The following SLIT3 variants were observed in gnomAD, a reference collection of about 807,000 sequenced individuals.
SLIT3 encodes the protein slit guidance ligand 3, also known as slit homolog 3 protein.
Under a neutral mutation model 184.0 loss-of-function variants are expected in SLIT3, and 68 were observed. The ratio of observed to expected loss-of-function variants is 0.37; its 90% CI spans 0.30 to 0.45. The LOEUF (loss-of-function observed/expected upper bound fraction) is 0.45. Among genes scored for constraint, SLIT3 ranks in the 20% least tolerant of loss-of-function variants. The pLI is 1.00. For synonymous variants in SLIT3, 831 were observed against 828.6 expected (o/e 1.00, Z -0.05); for missense variants, 1,707 against 2,026.0 (o/e 0.84, Z 3.02).
At chr5:168,769,388 C>T (rs1267738377) in intron 14 of SLIT3, among the ~76,000 whole-genome samples, 1 of 152,192 alleles carries the variant, frequency 6.6e-6, no homozygotes. Context: ...GACATGAGAA[C>T]CAGTATCAAC....
At chr5:169,275,295 C>A (rs1027839695) in intron 1 of SLIT3, among the ~76,000 whole-genome samples, 1 of 152,164 alleles carries the variant, frequency 6.6e-6, no homozygotes, top group African/African-American at 2.4e-5. Context: ...GTTAGTTATA[C>A]GACTGTCAAG....
At chr5:169,226,891 A>T (rs1337272346) in intron 3 of SLIT3, among the ~76,000 whole-genome samples, 2 of 152,170 alleles carry the variant, frequency 1.3e-5, no homozygotes, top group East Asian at 3.9e-4. Context: ...GTATTTTAAC[A>T]TCTGCACCAA....
intron 4 of SLIT3, among the ~76,000 whole-genome samples, chr5:169,016,154 T>C (rs906259674): frequency 3.3e-4 from 51 of 152,270 alleles, no homozygotes; most frequent in African/African-American, 1.2e-3. Context: ...TAGCTATTTT[T>C]CCCACGTGCT....
intron 9 of SLIT3, among the ~76,000 whole-genome samples, chr5:168,796,683 A>C (rs1756575740): frequency 6.6e-6 from 1 of 152,160 alleles, no homozygotes; most frequent in African/African-American, 2.4e-5. Context: ...GGCTGGGATG[A>C]ACCCATTCAT....
At chr5:169,254,484 CTT>C (rs34928753) in intron 1 of SLIT3, among the ~76,000 whole-genome samples, 3 of 146,950 alleles carry the variant, frequency 2.0e-5, no homozygotes, top group Admixed American at 6.8e-5. Context: ...TTCTTTCTTT[CTT>C]TTTTTTTTTT....
chr5:169,125,799 C>T (rs973465969), intron 4 of SLIT3, among the ~76,000 whole-genome samples: 2 of 152,188 alleles, frequency 1.3e-5, no homozygotes, highest in African/African-American at 2.4e-5. Flanking sequence ...GAACGCATTC[C>T]TTCCATACCT....
chr5:169,270,206 C>T (rs1384446276), intron 1 of SLIT3, among the ~76,000 whole-genome samples: 1 of 152,174 alleles, frequency 6.6e-6, no homozygotes, highest in Non-Finnish European at 1.5e-5. Flanking sequence ...AAAGAGTATA[C>T]AGTAATTCAT....
intron 4 of SLIT3, among the ~76,000 whole-genome samples, chr5:168,959,816 G>A (rs753265163): frequency 2.6e-5 from 4 of 152,120 alleles, no homozygotes; most frequent in Middle Eastern, 3.2e-3. Flanking sequence ...GTGGCATTTC[G>A]TGCCATCCCA....
At position 169,094,880 on chromosome 5, in the gene SLIT3, G is replaced by A. The variant is rs367885778; in HGVS notation, c.413+98599C>T. Reference sequence around the variant, plus strand: ...CACAACAGAAGAGCTGAGTGGCTGTGACAGAGACCACATGTCCTGCAAAAC... The same window carrying A: ...CACAACAGAAGAGCTGAGTGGCTGTAACAGAGACCACATGTCCTGCAAAAC... On this transcript the variant is annotated intron_variant, in intron 4 of 35. Coordinates refer to ENST00000519560, the MANE Select transcript of SLIT3 (RefSeq NM_003062.4). 6.3e-4 allele frequency among the ~76,000 whole-genome samples: 96 copies of A among 152,318 alleles called. 1 individual carries two copies. The highest frequency in any genetic ancestry group is 5.0e-3 in the South Asian group (24 of 4,820).
chr5:168,752,197 G>T (rs897851842), intron 18 of SLIT3, among the ~76,000 whole-genome samples: 1 of 152,076 alleles, frequency 6.6e-6, no homozygotes. Flanking sequence ...CTTATGTCAT[G>T]CCCTCCCTCA....
intron 4 of SLIT3, among the ~76,000 whole-genome samples, chr5:169,071,983 T>G (rs1758563468): frequency 6.6e-6 from 1 of 152,018 alleles, no homozygotes; most frequent in Non-Finnish European, 1.5e-5. Context: ...TGGATGTAAG[T>G]TGGCTTGAGT....
intron 4 of SLIT3, among the ~76,000 whole-genome samples, chr5:169,001,621 A>G (rs1755705888): frequency 6.6e-6 from 1 of 152,276 alleles, no homozygotes; most frequent in Admixed American, 6.5e-5. Flanking sequence ...AACCTCATAA[A>G]CTGTGAAAAA....
intron 3 of SLIT3, among the ~76,000 whole-genome samples, chr5:169,217,007 G>C (rs1023001666): frequency 1.3e-5 from 2 of 151,948 alleles, no homozygotes; most frequent in Non-Finnish European, 2.9e-5. Flanking sequence ...CAACACACAT[G>C]GAAACCATCC....
intron 11 of SLIT3, among the ~76,000 whole-genome samples, chr5:168,786,531 C>T (rs182616276): frequency 5.9e-5 from 9 of 152,322 alleles, no homozygotes; most frequent in Admixed American, 2.6e-4. Flanking sequence ...AACCAGGGAG[C>T]TTTGCTGTCT....
intron 4 of SLIT3, among the ~76,000 whole-genome samples, chr5:169,101,265 C>T (rs1234806122): frequency 6.6e-6 from 1 of 152,142 alleles, no homozygotes; most frequent in African/African-American, 2.4e-5. Flanking sequence ...AACATCCCAC[C>T]CAAGGTCATT....
At chr5:168,828,674 AAAAG>A (rs1385158356) in intron 6 of SLIT3, among the ~76,000 whole-genome samples, 9 of 150,914 alleles carry the variant, frequency 6.0e-5, no homozygotes, top group Non-Finnish European at 1.3e-4. Flanking sequence ...AAAAAAAGAA[AAAAG>A]AAAAAAAAAT....
intron 5 of SLIT3, among the ~76,000 whole-genome samples, chr5:168,857,649 C>G (rs1042883340): frequency 2.0e-5 from 3 of 152,136 alleles, no homozygotes; most frequent in Non-Finnish European, 2.9e-5. Context: ...GTTATAGGTA[C>G]TGTCTGAGGA....
chr5:169,221,250 C>G (rs1310538790), intron 3 of SLIT3, among the ~76,000 whole-genome samples: 2 of 152,160 alleles, frequency 1.3e-5, no homozygotes, highest in Non-Finnish European at 2.9e-5. Context: ...TGGCTCACAC[C>G]AACAGAAGAA....
At chr5:168,917,498 A>G (rs1761483634) in intron 4 of SLIT3, among the ~76,000 whole-genome samples, 1 of 152,216 alleles carries the variant, frequency 6.6e-6, no homozygotes, top group Non-Finnish European at 1.5e-5. Flanking sequence ...AGGAATTCCA[A>G]CCAGTACTCC....
Sources: allele counts gnomAD v4.1 joint callset (sites outside exome capture counted in the v4.1 genomes callset), GRCh38; gene constraint gnomAD v4.1.1; transcripts MANE v1.5; gene names NCBI Gene and HGNC (gene_info 2026-07-23, HGNC 2026-07-21).